The following RIC1 variants were observed in gnomAD, a reference collection of about 807,000 sequenced individuals.
RIC1 encodes the protein RIC1 partner of RAB6A GEF complex, also known as guanine nucleotide exchange factor subunit RIC1.
RIC1 carries 88 observed loss-of-function variants against 169.0 expected under a neutral mutation model. That is an observed-to-expected ratio of 0.52 (90% CI 0.44 to 0.62). RIC1 has a LOEUF of 0.62. Ranked by LOEUF, RIC1 falls within the 20% of genes least tolerant of loss-of-function variation. The pLI is 0.00. For missense variants in RIC1, 1,877 were observed against 1,725.5 expected, an observed-to-expected ratio of 1.09 and a Z score of -1.56; for synonymous variants, 790 against 601.5, an observed-to-expected ratio of 1.31 and a Z score of -4.59.
At chr9:5,664,278 T>C (rs1206437191) in intron 2 of RIC1, among the ~76,000 whole-genome samples, 1 of 152,034 alleles carries the variant, frequency 6.6e-6, no homozygotes, top group African/African-American at 2.4e-5. Flanking sequence ...CTGAGTGTCG[T>C]GGCGCATACC....
At chr9:5,735,303 C>T (rs1331065242) in intron 7 of RIC1, among the ~76,000 whole-genome samples, 4 of 152,142 alleles carry the variant, frequency 2.6e-5, no homozygotes, top group African/African-American at 9.7e-5. Context: ...AAAGCCCACA[C>T]ATCAGGCATG....
rs2131162832 is a variant in RIC1, at chr9:5,774,113, C to T, written c.4139C>T (p.Ser1380Phe). Residue 1380 changes from serine to phenylalanine, a missense_variant, in exon 26 of 26, where the codon TCC (serine) becomes TTC (phenylalanine). Physicochemically the swap from Ser to Phe is radical, Grantham distance 155 (BLOSUM62 -2). Around this residue, in one of 3 missense-constraint regions of RIC1, gnomAD observed 681 missense variants for 582.0 expected, o/e 1.17. Coordinates refer to ENST00000414202, the MANE Select transcript of RIC1 (RefSeq NM_020829.4). ...CCCCGGGCAGAGGAGAGCAGGGGCTCCTCCAGCCATGGAAGCATCCCCCAG... is the reference window on the plus strand; with the variant it reads ...CCCCGGGCAGAGGAGAGCAGGGGCTTCTCCAGCCATGGAAGCATCCCCCAG... ...TSPRAEESRG[S>F]SSHGSIPQGE... 1.9e-6 allele frequency: 3 copies of T among 1,614,020 alleles called. No individual in the cohort carries two copies. The highest frequency in any genetic ancestry group is 2.5e-6 in the Non-Finnish European group (3 of 1,179,976).
At chr9:5,717,942 C>T (rs923975461) in intron 4 of RIC1, among the ~76,000 whole-genome samples, 5 of 151,310 alleles carry the variant, frequency 3.3e-5, no homozygotes, top group South Asian at 2.1e-4. Flanking sequence ...GAGTTCAAGA[C>T]GAGCCTGGCC....
chr9:5,660,026 AC>A (rs1819353427), intron 2 of RIC1, among the ~76,000 whole-genome samples: 1 of 151,824 alleles, frequency 6.6e-6, no homozygotes, highest in South Asian at 2.1e-4. Context: ...CCTCTAACAG[AC>A]CCCAGTGTAT....
Position 5,776,038 on chromosome 9 carries a change from A to G in RIC1, c.*1792A>G, listed in dbSNP as rs1450189078. ...TGTGTTTGGTGTGAATATTCAGTCA[A>G]TAAAAATGATTTACCATTATAAAGA... is the stretch of plus-strand genomic sequence containing the variant. On this transcript the variant is annotated 3_prime_UTR_variant, in exon 26 of 26. Coordinates refer to ENST00000414202, the MANE Select transcript of RIC1 (RefSeq NM_020829.4). The G allele has an allele frequency of 2.0e-5, 3 of 152,186 alleles. No homozygotes were observed. Among genetic ancestry groups the G allele is most frequent in the African/African-American group, 2.4e-5 (1 of 41,466 alleles). 9.4% of individuals were successfully genotyped at this position (152,186 alleles called of 1,614,324 possible).
At chr9:5,686,566 G>C (rs1416172053) in intron 2 of RIC1, among the ~76,000 whole-genome samples, 1 of 142,084 alleles carries the variant, frequency 7.0e-6, no homozygotes, top group Non-Finnish European at 1.5e-5. Context: ...TCATAGGTGG[G>C]AATTGAACAA....
chr9:5,753,432 A>T, intron 13 of RIC1, 104 bp from the exon 14 acceptor site: 1 of 832,048 alleles, frequency 1.2e-6, no homozygotes, highest in South Asian at 1.7e-5. Flanking sequence ...TTAATTAGCA[A>T]ACATTTATTA....
intron 2 of RIC1, among the ~76,000 whole-genome samples, chr9:5,666,427 GA>G (rs1819766683): frequency 6.6e-6 from 1 of 152,050 alleles, no homozygotes; most frequent in African/African-American, 2.4e-5. Context: ...ATACTATGTT[GA>G]ATTAAGTGGT....
intron 22 of RIC1, 101 bp downstream of exon 22, chr9:5,769,357 C>A (rs1303380859): frequency 1.5e-5 from 24 of 1,611,576 alleles, no homozygotes; most frequent in Non-Finnish European, 1.9e-5. Flanking sequence ...TATTTTCATT[C>A]CAAACTTAGG....
Position 5,774,144 on chromosome 9 carries a change from A to C in RIC1, c.4170A>C (p.Glu1390Asp), listed in dbSNP as rs756961310. The change falls in exon 26 of 26, where the codon GAA (glutamate) becomes GAC (aspartate). Residue 1390 changes from glutamate (E) to aspartate (D), a missense_variant. Glu to Asp is a conservative substitution (Grantham distance 45). This residue lies in a region of RIC1 where 681 missense variants were observed against 582.0 expected (regional missense o/e 1.17). Transcript: ENST00000414202. ...GCCATGGAAGCATCCCCCAGGGTGA[A>C]GTTGGAAGCAGCAATATGGTCAGCC... ...SSSHGSIPQG[E>D]VGSSNMVSRK... The C allele has an allele frequency of 3.1e-6, 5 of 1,614,038 alleles. No individual in the cohort carries two copies. In the Admixed American group the frequency reaches 8.3e-5, roughly 27 times the overall value.
chr9:5,769,326 A>T (rs144924840), intron 22 of RIC1, 70 bp downstream of exon 22: 2 of 1,613,778 alleles, frequency 1.2e-6, no homozygotes, highest in South Asian at 1.1e-5. Context: ...ACATTTTGCT[A>T]TTAGTTGATA....
In RIC1 at chr9:5,757,544, C is replaced by T. The variant is rs2131062771; in HGVS notation, c.1992+93C>T. On this transcript the variant is annotated intron_variant, in intron 17 of 25. Coordinates refer to ENST00000414202, the MANE Select transcript of RIC1 (RefSeq NM_020829.4). ...GAAGTATTTGTTTGGCAAATAAATA[C>T]TAAGTGTCTAAAATGTACCTTATAT... The T allele has an allele frequency of 3.8e-6, 5 of 1,328,630 alleles. No individual in the cohort carries two copies. The East Asian group carries it at 1.2e-4, about 31-fold the overall frequency. The allele number at this position is 1,328,630 out of a possible 1,614,324, so 82.3% of individuals were successfully genotyped here. A position where few individuals can be genotyped will look rare whatever the true frequency, so the allele number is the denominator to read the frequency against.
At position 5,773,074 on chromosome 9, in the gene RIC1, C is replaced by T. The variant is rs568941181; in HGVS notation, c.3977C>T (p.Thr1326Ile). ...CATGCAGTGGACCGATGGGCCTCTA[C>T]AGACTGGTAAGTGCTGCTTTCCTTA... ...GLHAVDRWASTDCPGYKPFLN... is the reference protein window; with the variant it reads ...GLHAVDRWASIDCPGYKPFLN... The change falls in exon 25 of 26, where the codon ACA (threonine) becomes ATA (isoleucine). Residue 1326 changes from threonine (T) to isoleucine (I), a missense_variant. Around this residue, in one of 3 missense-constraint regions of RIC1, gnomAD observed 681 missense variants for 582.0 expected, o/e 1.17. Transcript: ENST00000414202. The T allele has an allele frequency of 6.2e-7, 1 of 1,603,670 alleles. No individual in the cohort carries two copies. Among genetic ancestry groups the T allele is most frequent in the Admixed American group, 1.7e-5 (1 of 58,736 alleles).
rs936342213 is a variant in RIC1, at chr9:5,732,292, A to G, written c.721-96A>G. On this transcript the variant is annotated intron_variant, in intron 6 of 25. Transcript: ENST00000414202. ...CTCTGCAGATGAAACCAAATAAAGC[A>G]TTATGAAATTGTATGTTTATTGAAG... The G allele has an allele frequency of 4.3e-6, 4 of 936,608 alleles. No homozygotes were observed. The East Asian group carries it at 9.9e-5, about 23-fold the overall frequency. 58.0% of individuals were successfully genotyped at this position (936,608 alleles called of 1,614,324 possible).
At chr9:5,758,722 C>CTTTTTTTTTTTTTTTTTTTTTCCTTTTTT (rs754931692) in intron 17 of RIC1, among the ~76,000 whole-genome samples, 1 of 98,424 alleles carries the variant, frequency 1.0e-5, no homozygotes, top group Admixed American at 1.0e-4. Flanking sequence ...GGTCTCCCTT[C>CTTTTTTTTTTTTTTTTTTTTTCCTTTTTT]TTTTTTTTTT....
At chr9:5,758,996 G>A (rs571741474) in intron 17 of RIC1, among the ~76,000 whole-genome samples, 2 of 152,028 alleles carry the variant, frequency 1.3e-5, no homozygotes, top group Admixed American at 6.5e-5. Context: ...GCCCACCTCG[G>A]CCTCCCAAAG....
chr9:5,744,027 T>C (rs1173604617), intron 10 of RIC1, among the ~76,000 whole-genome samples: 1 of 145,738 alleles, frequency 6.9e-6, no homozygotes, highest in Non-Finnish European at 1.5e-5. Context: ...GCCCCCTTTT[T>C]TCACTCATGT....
rs1403369694 is a variant in RIC1 at position 5,773,979 on chromosome 9, AAAC to A, written c.4007_4009del (p.Asn1336del). On this transcript the variant is annotated inframe_deletion, in exon 26 of 26. Coordinates refer to ENST00000414202, the MANE Select transcript of RIC1 (RefSeq NM_020829.4). The stretch of plus-strand genomic sequence containing the variant: ...ATAGTCCTGGATATAAGCCATTTTT[AAAC>A]ATCATTAAGCCACAACTGCAGAAGC... 3.1e-6 allele frequency: 5 copies of A among 1,606,060 alleles called. No homozygotes were observed. The highest frequency in any genetic ancestry group is 4.2e-6 in the Non-Finnish European group (5 of 1,177,058).
Position 5,743,014 on chromosome 9 carries a change from G to C in RIC1, c.1046+1G>C, listed in dbSNP as rs370606357. ...TTTGTACACTTGGAGGAGATTTTGC[G>C]TAAGTCAAAAAAGACAATTTTTAGA... On this transcript the variant is annotated splice_donor_variant, in intron 9 of 25. Coordinates refer to ENST00000414202, the MANE Select transcript of RIC1 (RefSeq NM_020829.4). LOFTEE classifies it high-confidence loss of function. 1.9e-6 allele frequency: 3 copies of C among 1,601,140 alleles called. No individual in the cohort carries two copies. The highest frequency in any genetic ancestry group is 1.4e-5 in the African/African-American group (1 of 73,936).
Sources: gnomAD v4.1 joint callset for allele counts (sites outside exome capture counted in the v4.1 genomes callset) on GRCh38, gnomAD v4.1.1 for gene constraint, gnomAD v4.1.1 regional missense constraint, MANE v1.5 for transcripts, NCBI Gene and HGNC (gene_info 2026-07-23, HGNC 2026-07-21) for gene names.